Variants in IQCH observed in about 807,000 individuals in gnomAD.
The protein encoded by IQCH is IQ domain-containing protein H.
A neutral mutation model predicts 117.0 loss-of-function variants in IQCH; 98 were observed. The observed-to-expected ratio is 0.84, with a 90% CI of 0.71 to 0.99. The LOEUF (loss-of-function observed/expected upper bound fraction) is 0.99. IQCH is among the 50% of genes least tolerant of loss of function. The pLI, the probability that IQCH is intolerant of heterozygous loss-of-function variation, is 0.00. For missense variants in IQCH, 1,102 were observed against 1,243.8 expected, an observed-to-expected ratio of 0.89 and a Z score of 1.72; for synonymous variants, 412 against 448.2, an observed-to-expected ratio of 0.92 and a Z score of 1.02.
At chr15:67,415,339 C>A (rs112277921) in intron 14 of IQCH, among the ~76,000 whole-genome samples, 2 of 152,292 alleles carry the variant, frequency 1.3e-5, no homozygotes, top group African/African-American at 4.8e-5. Context: ...TTCCCCAGCC[C>A]TTCTTAACAG....
At chr15:67,428,575 G>A (rs369941516) in intron 16 of IQCH, among the ~76,000 whole-genome samples, 4 of 152,122 alleles carry the variant, frequency 2.6e-5, no homozygotes, top group East Asian at 3.9e-4. Flanking sequence ...GGCAGGCCGG[G>A]TGCGGTGACT....
At chr15:67,283,771 G>A (rs1400309546) in intron 4 of IQCH, among the ~76,000 whole-genome samples, 3 of 152,036 alleles carry the variant, frequency 2.0e-5, no homozygotes, top group Non-Finnish European at 2.9e-5. Flanking sequence ...TATATCTCTT[G>A]TTTATTATGT....
intron 4 of IQCH, among the ~76,000 whole-genome samples, chr15:67,287,456 T>C (rs1375891845): frequency 6.6e-6 from 1 of 152,204 alleles, no homozygotes; most frequent in Non-Finnish European, 1.5e-5. Flanking sequence ...TACTTGTTAT[T>C]GGTTTGTTCA....
rs1970913460 is a variant in IQCH, at chr15:67,381,079, A to C, written c.1373-3857A>C. ...ACAGGGGCCTGTCACAGAGACATGC[A>C]CCAGTGCCAAGGGGGCTCAGTCACT... On this transcript the variant is annotated intron_variant, in intron 10 of 20. Coordinates refer to ENST00000335894, the MANE Select transcript of IQCH (RefSeq NM_001031715.3). The surrounding 1 kb of genome is among the most constrained non-coding windows in gnomAD (Gnocchi z 5.1). 6.6e-6 allele frequency among the ~76,000 whole-genome samples: 1 copy of C among 152,192 alleles called. No homozygotes were observed. The highest frequency in any genetic ancestry group is 1.5e-5 in the Non-Finnish European group (1 of 68,034).
intron 15 of IQCH, among the ~76,000 whole-genome samples, chr15:67,420,785 C>T (rs1298276044): frequency 6.6e-6 from 1 of 152,208 alleles, no homozygotes; most frequent in African/African-American, 2.4e-5. Context: ...TTATAACTGG[C>T]TTTATATAGA....
intron 13 of IQCH, 61 bp from the exon 14 acceptor site, chr15:67,400,053 G>C: frequency 7.3e-7 from 1 of 1,375,364 alleles, no homozygotes; most frequent in Non-Finnish European, 1.0e-6. Context: ...AAGTTGTTAC[G>C]ATAAAAAGGA....
Position 67,404,899 on chromosome 15 carries a change from G to A in IQCH, c.2097+4594G>A, listed in dbSNP as rs1299730147. The A allele has an allele frequency of 6.6e-6, 1 of 152,170 alleles. No individual in the cohort carries two copies. The highest frequency in any genetic ancestry group is 1.5e-5 in the Non-Finnish European group (1 of 68,024). The allele number at this position is 152,170 out of a possible 1,614,324, so 9.4% of individuals were successfully genotyped here. ...ACTTCCCGAGGAGAAAGACCCAGGA[G>A]TAGAATATTTTATGGCTTTTGTTAC... On this transcript the variant is annotated intron_variant, in intron 14 of 20. Coordinates refer to ENST00000335894, the MANE Select transcript of IQCH (RefSeq NM_001031715.3). The surrounding 1 kb of genome is among the most constrained non-coding windows in gnomAD (Gnocchi z 4.6).
Position 67,261,259 on chromosome 15 carries a change from T to G in IQCH, c.52-13T>G. The G allele has an allele frequency of 1.3e-6, 2 of 1,495,760 alleles. No individual in the cohort carries two copies. The highest frequency in any genetic ancestry group is 1.3e-5 in the South Asian group (1 of 79,020). The allele number at this position is 1,495,760 out of a possible 1,614,324, so 92.7% of individuals were successfully genotyped here. A position where few individuals can be genotyped will look rare whatever the true frequency, so the allele number is the denominator to read the frequency against. On this transcript the variant is annotated splice_polypyrimidine_tract_variant and intron_variant, in intron 1 of 20. Coordinates refer to ENST00000335894, the MANE Select transcript of IQCH (RefSeq NM_001031715.3). ...TGGATTATTTCAATATTTTTCATTT[T>G]TTATACCTATAGATCCATGAAGACC...
intron 2 of IQCH, among the ~76,000 whole-genome samples, chr15:67,261,744 T>G (rs1965470457): frequency 6.6e-6 from 1 of 152,196 alleles, no homozygotes; most frequent in African/African-American, 2.4e-5. Flanking sequence ...TCCAACAATA[T>G]GCCTGACCAA....
intron 2 of IQCH, among the ~76,000 whole-genome samples, chr15:67,262,728 T>TA (rs1162798883): frequency 2.0e-5 from 3 of 151,998 alleles, no homozygotes; most frequent in East Asian, 3.9e-4. Flanking sequence ...TTACAAAAAA[T>TA]AAAAAAATTA....
At chr15:67,326,584 C>T (rs1442125127) in intron 4 of IQCH, among the ~76,000 whole-genome samples, 6 of 152,134 alleles carry the variant, frequency 3.9e-5, no homozygotes, top group Admixed American at 1.3e-4. Flanking sequence ...GTCCCACCAG[C>T]GGTGTAAGGG....
At chr15:67,357,258 A>T in intron 6 of IQCH, 87 bp from the exon 7 acceptor site, 1 of 844,826 alleles carries the variant, frequency 1.2e-6, no homozygotes, top group Non-Finnish European at 2.1e-6. Context: ...GAGCCATTTG[A>T]CTTTCAAGGT....
chr15:67,420,113 G>T (rs1216336355), intron 15 of IQCH, among the ~76,000 whole-genome samples: 3 of 152,212 alleles, frequency 2.0e-5, no homozygotes, highest in Non-Finnish European at 4.4e-5. Context: ...CTCATTTGAA[G>T]AAAAGCATGT....
chr15:67,492,284 A>G (rs1194223010), intron 19 of IQCH, among the ~76,000 whole-genome samples: 1 of 152,200 alleles, frequency 6.6e-6, no homozygotes, highest in Non-Finnish European at 1.5e-5. Flanking sequence ...AGAAATCAGA[A>G]CCTAGAGATA....
At position 67,381,244 on chromosome 15, in the gene IQCH, G is replaced by C. The variant is rs1307870627; in HGVS notation, c.1373-3692G>C. ...TTTATGCAGAAAGGGACTGGGAAAG[G>C]CTGTGAAGGTAGAAGTGAAGATGGA... On this transcript the variant is annotated intron_variant, in intron 10 of 20. Transcript: ENST00000335894. The surrounding 1 kb of genome is among the most constrained non-coding windows in gnomAD (Gnocchi z 5.1). Among the ~76,000 whole-genome samples, 1 of 152,210 alleles carries C rather than the reference G, an allele frequency of 6.6e-6. No individual in the cohort carries two copies. Among genetic ancestry groups the C allele is most frequent in the Non-Finnish European group, 1.5e-5 (1 of 68,038 alleles).
intron 6 of IQCH, among the ~76,000 whole-genome samples, chr15:67,348,496 G>A (rs75036226): frequency 0.014 from 2,113 of 151,658 alleles, 45 homozygotes; most frequent in African/African-American, 0.049. Flanking sequence ...ATTGGAAATC[G>A]AATATTAAAA....
At chr15:67,268,880 T>C (rs1965784356) in intron 3 of IQCH, among the ~76,000 whole-genome samples, 2 of 152,168 alleles carry the variant, frequency 1.3e-5, no homozygotes, top group African/African-American at 2.4e-5. Context: ...CTTTCCATTT[T>C]TCTTTGGGTT....
chr15:67,378,035 G>A (rs1222948131), intron 10 of IQCH, among the ~76,000 whole-genome samples: 1 of 152,116 alleles, frequency 6.6e-6, no homozygotes, highest in Non-Finnish European at 1.5e-5. Context: ...AGAAAGGATA[G>A]GGAAACTTAC....
In IQCH at chr15:67,370,844, A is replaced by G. The variant is rs768083984; in HGVS notation, c.754-1267A>G. 1.3e-5 allele frequency among the ~76,000 whole-genome samples: 2 copies of G among 152,194 alleles called. No homozygotes were observed. Among genetic ancestry groups the G allele is most frequent in the Non-Finnish European group, 2.9e-5 (2 of 68,044 alleles). ...ACTTGTTTTTCAGCATTTTTACTTG[A>G]GATGGCAGTCTAATTAATTATTGTG... is the stretch of plus-strand genomic sequence containing the variant. On this transcript the variant is annotated intron_variant, in intron 8 of 20. Transcript: ENST00000335894. This position sits in a 1 kb window ranked among gnomAD's most constrained non-coding sequence, Gnocchi z 5.6.
Sources: allele counts gnomAD v4.1 joint callset (sites outside exome capture counted in the v4.1 genomes callset), GRCh38; gene constraint gnomAD v4.1.1; non-coding constraint Gnocchi (gnomAD v3.1); transcripts MANE v1.5; gene names NCBI Gene and HGNC (gene_info 2026-07-23, HGNC 2026-07-21).